KIF13A: variants seen among roughly 807,000 people sequenced by gnomAD.
KIF13A encodes the protein kinesin family member 13A.
A neutral mutation model predicts 212.2 loss-of-function variants in KIF13A; 79 were observed. That is an observed-to-expected ratio of 0.37 (90% CI 0.31 to 0.45). The LOEUF is 0.45. Among genes scored for constraint, KIF13A ranks in the 20% least tolerant of loss-of-function variants. The pLI is 1.00. For synonymous variants in KIF13A, 789 were observed against 808.6 expected, an observed-to-expected ratio of 0.98 and a Z score of 0.41; for missense variants, 1,901 against 2,209.0, an observed-to-expected ratio of 0.86 and a Z score of 2.79.
intron 20 of KIF13A, among the ~76,000 whole-genome samples, chr6:17,801,002 G>A (rs1358507422): frequency 2.6e-5 from 4 of 152,066 alleles, no homozygotes; most frequent in Admixed American, 2.6e-4. Context: ...AAAGTGCTGG[G>A]ATTATAGGTG....
chr6:17,979,024 C>A (rs1055622281), intron 2 of KIF13A, among the ~76,000 whole-genome samples: 5 of 152,184 alleles, frequency 3.3e-5, no homozygotes, highest in Non-Finnish European at 7.3e-5. Flanking sequence ...GTGGCTCACG[C>A]CTGTAATCCC....
rs9371018 is a variant in KIF13A at position 17,764,299 on chromosome 6, C to T, written c.5229G>A (p.Glu1743=). ...CTGTCAAACCATCAAAATCTTTTCC[C>T]TCTGACACTCCCATAAATTCTGTGA... ...HSFTEFMGVS[E]GKDFDGLTDS... is the part of the protein sequence containing the mutation. Residue 1743 remains glutamate (E), a synonymous_variant, in exon 39 of 39, where the codon GAG becomes GAA. Coordinates refer to ENST00000259711, the MANE Select transcript of KIF13A (RefSeq NM_022113.6). This position sits in a 1 kb window ranked among gnomAD's most constrained non-coding sequence, Gnocchi z 5.1. 0.31 allele frequency: 497,598 copies of T among 1,613,588 alleles called. 80,281 individuals carry two copies. The highest frequency in any genetic ancestry group is 0.56 in the East Asian group (25,066 of 44,852).
chr6:17,813,133 A>C (rs1431805231), intron 17 of KIF13A, among the ~76,000 whole-genome samples: 2 of 152,222 alleles, frequency 1.3e-5, no homozygotes, highest in East Asian at 3.8e-4. Context: ...CTCTTCAGAA[A>C]AAGGACCATC....
chr6:17,815,117 G>A (rs1190322481), intron 17 of KIF13A, among the ~76,000 whole-genome samples: 3 of 152,248 alleles, frequency 2.0e-5, no homozygotes, highest in Admixed American at 1.3e-4. Context: ...TCCCTTCCCT[G>A]TTTGGCAGCC....
Position 17,856,162 on chromosome 6 carries a change from T to C in KIF13A, c.221-40A>G. 3 of 1,341,672 alleles carry C rather than the reference T, an allele frequency of 2.2e-6. No individual in the cohort carries two copies. The highest frequency in any genetic ancestry group is 3.2e-6 in the Non-Finnish European group (3 of 948,868). 83.1% of individuals were successfully genotyped at this position (1,341,672 alleles called of 1,614,324 possible). A position where few individuals can be genotyped will look rare whatever the true frequency, so the allele number is the denominator to read the frequency against. On this transcript the variant is annotated intron_variant, in intron 4 of 38. Coordinates refer to ENST00000259711, the MANE Select transcript of KIF13A (RefSeq NM_022113.6). The surrounding 1 kb of genome is among the most constrained non-coding windows in gnomAD (Gnocchi z 4.5). ...AAATATTAAAAACTAATAAAAAGAA[T>C]AATTTTTCTTGACATATTTGTGTTA...
At chr6:17,812,825 A>G (rs928864810) in intron 17 of KIF13A, among the ~76,000 whole-genome samples, 7 of 152,154 alleles carry the variant, frequency 4.6e-5, no homozygotes, top group Admixed American at 3.9e-4. Context: ...TTTCTTCGCA[A>G]CTTTGCCAGA....
At chr6:17,884,689 G>T (rs59775334) in intron 3 of KIF13A, among the ~76,000 whole-genome samples, 7,568 of 152,244 alleles carry the variant, frequency 0.05, 477 homozygotes, top group African/African-American at 0.14. Context: ...GCTCTATGTG[G>T]ACTTGCTTTG....
In KIF13A at chr6:17,883,209, C is replaced by T. The variant is rs1771237238; in HGVS notation, c.160-9772G>A. 6.6e-6 allele frequency among the ~76,000 whole-genome samples: 1 copy of T among 152,016 alleles called. No homozygotes were observed. Among genetic ancestry groups the T allele is most frequent in the South Asian group, 2.1e-4 (1 of 4,826 alleles). ...TACAAAAAATAACATTAGCCAGCTG[C>T]AGGGGCATGTGCCTATAGTCCCAGA... On this transcript the variant is annotated intron_variant, in intron 3 of 38. Transcript: ENST00000259711. The surrounding 1 kb of genome is among the most constrained non-coding windows in gnomAD (Gnocchi z 4.8).
chr6:17,944,145 G>A (rs949860130), intron 2 of KIF13A, among the ~76,000 whole-genome samples: 1 of 152,192 alleles, frequency 6.6e-6, no homozygotes, highest in Non-Finnish European at 1.5e-5. Context: ...GATCTGACAT[G>A]TGAGCCTTAC....
intron 4 of KIF13A, among the ~76,000 whole-genome samples, chr6:17,868,394 A>G (rs1562076444): frequency 6.6e-6 from 1 of 152,200 alleles, no homozygotes; most frequent in African/African-American, 2.4e-5. Flanking sequence ...ATTTACAAAG[A>G]CTGCTTTCAA....
chr6:17,904,921 T>C (rs890197010), intron 2 of KIF13A, among the ~76,000 whole-genome samples: 1 of 152,240 alleles, frequency 6.6e-6, no homozygotes, highest in African/African-American at 2.4e-5. Flanking sequence ...ATTTGCCTCC[T>C]GGAAATTAGC....
rs547608801 is a variant in KIF13A at position 17,883,814 on chromosome 6, G to A, written c.160-10377C>T. On this transcript the variant is annotated intron_variant, in intron 3 of 38. Transcript: ENST00000259711. This position sits in a 1 kb window ranked among gnomAD's most constrained non-coding sequence, Gnocchi z 4.8. ...CACCTGCAGTCCCAGCTGCTTGTGA[G>A]GCTGAGGTGGGAGGATCACTTGAGC... is the stretch of plus-strand genomic sequence containing the variant. Among the ~76,000 whole-genome samples, 1 of 152,240 alleles carries A rather than the reference G, an allele frequency of 6.6e-6. No homozygotes were observed. The highest frequency in any genetic ancestry group is 2.4e-5 in the African/African-American group (1 of 41,538).
chr6:17,853,979 G>C (rs1444539270), intron 6 of KIF13A, among the ~76,000 whole-genome samples: 1 of 152,074 alleles, frequency 6.6e-6, no homozygotes, highest in Non-Finnish European at 1.5e-5. Flanking sequence ...AATGTAGGTA[G>C]GCAGTTGTTT....
At chr6:17,907,805 T>C (rs565912339) in intron 2 of KIF13A, among the ~76,000 whole-genome samples, 5 of 152,086 alleles carry the variant, frequency 3.3e-5, no homozygotes, top group Admixed American at 6.5e-5. Context: ...GCTGGAAGAA[T>C]AGACAAGAAC....
Position 17,817,004 on chromosome 6 carries a change from C to G in KIF13A, c.2000+16G>C, listed in dbSNP as rs9383327. The G allele has an allele frequency of 0.92, 1,474,292 of 1,597,342 alleles. 680,732 individuals are homozygous for G. Among genetic ancestry groups the G allele is most frequent in the East Asian group, 1 (44,302 of 44,460 alleles). ...TTGGGGCCTTGACTCTGGGCTGCCC[C>G]CGCTGCAGTTCTTACCTCTCTTCTG... is the stretch of plus-strand genomic sequence containing the variant. On this transcript the variant is annotated intron_variant, in intron 17 of 38. Coordinates refer to ENST00000259711, the MANE Select transcript of KIF13A (RefSeq NM_022113.6).
In KIF13A at chr6:17,871,726, A is replaced by AT. The variant is rs1456189742; in HGVS notation, c.220+1650dup. ...CTCAAATGTAGTCCAAAGAGTATAGATTTTTTCTAGCATGTGATGAGGAGT... is the reference window on the plus strand; with the variant it reads ...CTCAAATGTAGTCCAAAGAGTATAGATTTTTTTCTAGCATGTGATGAGGAGT... On this transcript the variant is annotated intron_variant, in intron 4 of 38. Transcript: ENST00000259711. The surrounding 1 kb of genome is among the most constrained non-coding windows in gnomAD (Gnocchi z 4.4). Among the ~76,000 whole-genome samples the AT allele has an allele frequency of 1.4e-4, 21 of 152,120 alleles. No homozygotes were observed. Among genetic ancestry groups the AT allele is most frequent in the African/African-American group, 2.4e-4 (10 of 41,414 alleles).
chr6:17,917,920 C>A (rs796276977), intron 2 of KIF13A, among the ~76,000 whole-genome samples: 24 of 152,228 alleles, frequency 1.6e-4, no homozygotes, highest in African/African-American at 5.8e-4. Flanking sequence ...ACTTTGGAGG[C>A]TTCAAGCTAC....
chr6:17,808,889 T>G lies in KIF13A; in HGVS notation c.2042A>C (p.Gln681Pro). ...CACCAAGGTATTAGCTTTAACCAGC[T>G]GCTCTCGCAGTTTTGCCAGGCTTTG... ...FRQSLAKLREQLVKANTLVRE... is the reference protein window; with the variant it reads ...FRQSLAKLREPLVKANTLVRE... The change falls in exon 18 of 39, where the codon CAG becomes CCG. Residue 681 changes from glutamine to proline, a missense_variant. Physicochemically the swap from Gln to Pro is moderately conservative, Grantham distance 76 (BLOSUM62 -1). Coordinates refer to ENST00000259711, the MANE Select transcript of KIF13A (RefSeq NM_022113.6). 1 of 1,613,464 alleles carries G rather than the reference T, an allele frequency of 6.2e-7. No individual in the cohort carries two copies. Among genetic ancestry groups the G allele is most frequent in the Non-Finnish European group, 8.5e-7 (1 of 1,179,668 alleles).
intron 3 of KIF13A, chr6:17,881,769 G>C: frequency 3.0e-6 from 1 of 336,632 alleles, no homozygotes; most frequent in Non-Finnish European, 5.9e-6. Flanking sequence ...GTGGAGGCAG[G>C]CGGATTACTT....
Sources: allele counts gnomAD v4.1 joint callset (sites outside exome capture counted in the v4.1 genomes callset), GRCh38; gene constraint gnomAD v4.1.1; non-coding constraint Gnocchi (gnomAD v3.1); transcripts MANE v1.5; gene names NCBI Gene and HGNC (gene_info 2026-07-23, HGNC 2026-07-21).